The following INTS9 variants were observed in gnomAD, a reference collection of about 807,000 sequenced individuals.
INTS9 encodes protein related to CPSF subunits of 74 kDa.
INTS9 carries 55 observed loss-of-function variants against 79.7 expected under a neutral mutation model. The ratio of observed to expected loss-of-function variants is 0.69; its 90% CI spans 0.56 to 0.86. INTS9 has a LOEUF of 0.86. Ranked by LOEUF, INTS9 falls within the 40% of genes least tolerant of loss-of-function variation. The probability of loss-of-function intolerance (pLI) is 0.00; values close to 1 mark genes in which losing one functional copy is unlikely to be tolerated. For synonymous variants in INTS9, 319 were observed against 325.2 expected, an observed-to-expected ratio of 0.98 and a Z score of 0.20; for missense variants, 721 against 831.5, an observed-to-expected ratio of 0.87 and a Z score of 1.64.
intron 6 of INTS9, among the ~76,000 whole-genome samples, chr8:28,819,521 T>C (rs1013849008): frequency 2.0e-5 from 3 of 152,232 alleles, no homozygotes; most frequent in African/African-American, 7.2e-5. Context: ...TGAGAGACAG[T>C]TTGTTATAAT....
intron 11 of INTS9, among the ~76,000 whole-genome samples, chr8:28,786,205 T>C (rs171313): frequency 0.52 from 78,485 of 152,124 alleles, 22,254 homozygotes; most frequent in Non-Finnish European, 0.65. Flanking sequence ...TGTAAGGGAC[T>C]GTGTGAGTAT....
chr8:28,821,949 T>G (rs1299909476), intron 6 of INTS9, among the ~76,000 whole-genome samples: 1 of 152,124 alleles, frequency 6.6e-6, no homozygotes, highest in African/African-American at 2.4e-5. Flanking sequence ...TTATTTTTTG[T>G]AGAGATGGGA....
chr8:28,791,300 AT>A (rs1184778402), intron 10 of INTS9, among the ~76,000 whole-genome samples: 1 of 152,056 alleles, frequency 6.6e-6, no homozygotes, highest in Non-Finnish European at 1.5e-5. Flanking sequence ...CCTCCAATGA[AT>A]CCCCCCCATG....
At chr8:28,803,088 G>A (rs998260597) in intron 8 of INTS9, among the ~76,000 whole-genome samples, 1 of 152,072 alleles carries the variant, frequency 6.6e-6, no homozygotes, top group Non-Finnish European at 1.5e-5. Flanking sequence ...ACTCCAACCT[G>A]GGCAACAGAG....
chr8:28,783,188 C>T lies in INTS9; in HGVS notation c.1099-2194G>A, dbSNP rs186379656. ...AAAAAAAGAAGCAGGTGCCCCGCAG[C>T]CTCAAAGCTTTCTTTCAAGTGTACG... On this transcript the variant is annotated intron_variant, in intron 11 of 16. Transcript: ENST00000521022. Among the ~76,000 whole-genome samples, 35 of 151,234 alleles carry T rather than the reference C, an allele frequency of 2.3e-4. 1 individual carries two copies. Among genetic ancestry groups the T allele is most frequent in the African/African-American group, 7.3e-4 (30 of 41,086 alleles).
intron 6 of INTS9, among the ~76,000 whole-genome samples, chr8:28,831,865 A>AT (rs1019081126): frequency 6.6e-5 from 10 of 151,062 alleles, no homozygotes; most frequent in African/African-American, 1.2e-4. Flanking sequence ...CGCCTGGCTA[A>AT]TTTTTTTTTG....
At chr8:28,869,729 C>T (rs1808962662) in intron 1 of INTS9, among the ~76,000 whole-genome samples, 1 of 152,186 alleles carries the variant, frequency 6.6e-6, no homozygotes, top group Admixed American at 6.5e-5. Context: ...ATGTGCCAAT[C>T]ATACTCACTG....
intron 8 of INTS9, among the ~76,000 whole-genome samples, chr8:28,801,422 A>T: frequency 6.6e-6 from 1 of 152,070 alleles, no homozygotes; most frequent in East Asian, 1.9e-4. Flanking sequence ...CCCAGGAGGC[A>T]GAAGCTGCAG....
rs779231471 is a variant in INTS9 at position 28,775,930 on chromosome 8, AG to A, written c.1396-5del. ...CAGGACACACCACGTGCAGGGGCTGAGGAACCAATGGGACAGTTGAGAAAGG... is the reference window on the plus strand; with the variant it reads ...CAGGACACACCACGTGCAGGGGCTGAGAACCAATGGGACAGTTGAGAAAGG... On this transcript the variant is annotated splice_polypyrimidine_tract_variant and splice_region_variant and intron_variant, in intron 13 of 16. Transcript: ENST00000521022. 3.9e-6 allele frequency: 6 copies of A among 1,546,678 alleles called. No individual in the cohort carries two copies. The highest frequency in any genetic ancestry group is 4.0e-5 in the Admixed American group (2 of 50,574).
At chr8:28,770,829 C>G (rs1017071621) in intron 15 of INTS9, among the ~76,000 whole-genome samples, 153 bp downstream of exon 15, 4 of 152,374 alleles carry the variant, frequency 2.6e-5, no homozygotes, top group Non-Finnish European at 5.9e-5. Flanking sequence ...GCGGCCTCAT[C>G]TCTGGGCACA....
intron 1 of INTS9, among the ~76,000 whole-genome samples, chr8:28,875,698 T>C (rs1353334774): frequency 2.0e-5 from 3 of 151,558 alleles, no homozygotes; most frequent in African/African-American, 4.8e-5. Flanking sequence ...TAACCTTACA[T>C]AGGTCCCCAC....
chr8:28,887,129 G>T (rs1270153583), intron 1 of INTS9, among the ~76,000 whole-genome samples: 1 of 152,174 alleles, frequency 6.6e-6, no homozygotes, highest in African/African-American at 2.4e-5. Flanking sequence ...ATTCAACGAG[G>T]CCCTGAAGAA....
chr8:28,787,934 G>A lies in INTS9; in HGVS notation c.1038-45C>T, dbSNP rs763630161. On this transcript the variant is annotated intron_variant, in intron 10 of 16. Coordinates refer to ENST00000521022, the MANE Select transcript of INTS9 (RefSeq NM_018250.4). The stretch of plus-strand genomic sequence containing the variant: ...CATCAGCATGTGAGGAAGAGCATAC[G>A]GTGGCATCTGTTGCCACCTAGTGGC... 1.3e-5 allele frequency: 19 copies of A among 1,424,396 alleles called. No individual in the cohort carries two copies. The East Asian group carries it at 2.3e-4, about 17-fold the overall frequency. The allele number at this position is 1,424,396 out of a possible 1,614,324, so 88.2% of individuals were successfully genotyped here.
chr8:28,814,753 C>T lies in INTS9; in HGVS notation c.489-1141G>A, dbSNP rs912839273. Among the ~76,000 whole-genome samples, 51 of 152,204 alleles carry T rather than the reference C, an allele frequency of 3.4e-4. 1 individual carries two copies. The highest frequency in any genetic ancestry group is 8.8e-5 in the Non-Finnish European group (6 of 68,030). ...TACAGAGGAACAATGTTCCTCTCCT[C>T]ATTTGGCTGCCAAAGCACTATGAGT... On this transcript the variant is annotated intron_variant, in intron 6 of 16. Coordinates refer to ENST00000521022, the MANE Select transcript of INTS9 (RefSeq NM_018250.4).
At chr8:28,820,730 T>G (rs1805782221) in intron 6 of INTS9, among the ~76,000 whole-genome samples, 2 of 152,292 alleles carry the variant, frequency 1.3e-5, no homozygotes, top group South Asian at 4.1e-4. Context: ...GATCCCATCC[T>G]GAGAAATCTA....
chr8:28,824,918 A>C (rs1293690476), intron 6 of INTS9, among the ~76,000 whole-genome samples: 2 of 152,208 alleles, frequency 1.3e-5, no homozygotes, highest in Non-Finnish European at 2.9e-5. Context: ...ATATAATATA[A>C]TGCATGTGAA....
chr8:28,878,641 T>TTA (rs754066067), intron 1 of INTS9, among the ~76,000 whole-genome samples: 9 of 136,682 alleles, frequency 6.6e-5, no homozygotes, highest in African/African-American at 2.5e-4. Context: ...TTTTTTTTTT[T>TTA]AAAAAAAAAA....
At chr8:28,772,676 A>G (rs577787852) in intron 14 of INTS9, among the ~76,000 whole-genome samples, 227 of 152,212 alleles carry the variant, frequency 1.5e-3, no homozygotes, top group Middle Eastern at 3.4e-3. Context: ...GTGTGGTGGC[A>G]GGTGCCTGTA....
At chr8:28,789,952 A>T (rs1803830356) in intron 10 of INTS9, among the ~76,000 whole-genome samples, 1 of 152,328 alleles carries the variant, frequency 6.6e-6, no homozygotes, top group Middle Eastern at 3.4e-3. Flanking sequence ...GAGGTCTTTC[A>T]AGAGCTATTC....
Sources: allele counts gnomAD v4.1 joint callset (sites outside exome capture counted in the v4.1 genomes callset), GRCh38; gene constraint gnomAD v4.1.1; transcripts MANE v1.5; gene names NCBI Gene and HGNC (gene_info 2026-07-23, HGNC 2026-07-21).